The following ZFHX3 variants were observed in gnomAD, a reference collection of about 807,000 sequenced individuals.
The protein encoded by ZFHX3 is zinc finger homeobox protein 3.
Under a neutral mutation model 279.1 loss-of-function variants are expected in ZFHX3, and 42 were observed. That is an observed-to-expected ratio of 0.15 (90% CI 0.12 to 0.19). The LOEUF is 0.19. Ranked by LOEUF, ZFHX3 falls within the 10% of genes least tolerant of loss-of-function variation. The probability of loss-of-function intolerance (pLI) is 1.00; values close to 1 mark genes in which losing one functional copy is unlikely to be tolerated. For missense variants in ZFHX3, 4,981 were observed against 4,754.0 expected (o/e 1.05, Z -1.40); for synonymous variants, 2,293 against 1,957.8 (o/e 1.17, Z -4.52).
chr16:73,291,289 T>C (rs1446311549), intron 4 of ZFHX3, among the ~76,000 whole-genome samples: 1 of 152,052 alleles, frequency 6.6e-6, no homozygotes, highest in Non-Finnish European at 1.5e-5. Flanking sequence ...CTGCCTAGGG[T>C]ACAGCTGGGC....
At chr16:72,889,683 G>A (rs1331932421) in intron 4 of ZFHX3, 48 bp downstream of exon 4, 1 of 1,584,936 alleles carries the variant, frequency 6.3e-7, no homozygotes, top group African/African-American at 1.3e-5. Flanking sequence ...TCAAGGAGGT[G>A]AACACCCAGG....
At position 73,659,605 on chromosome 16, in the gene ZFHX3, C is replaced by A. The variant is rs543793582; in HGVS notation, c.-1547+20575G>T. Among the ~76,000 whole-genome samples, 21 of 152,088 alleles carry A rather than the reference C, an allele frequency of 1.4e-4. No individual in the cohort carries two copies. The South Asian group carries it at 4.4e-3, about 32-fold the overall frequency. On this transcript the variant is annotated intron_variant, in intron 2 of 17. Transcript: ENST00000641206. ...GCTGTATGGAGAGCTTTCAGGCTCC[C>A]CTGAAATAGAAATACAGTATTCTTA...
At chr16:73,023,839 G>A (rs574056093) in intron 1 of ZFHX3, among the ~76,000 whole-genome samples, 2 of 152,266 alleles carry the variant, frequency 1.3e-5, no homozygotes, top group South Asian at 2.1e-4. Flanking sequence ...CAAAGGCCAC[G>A]TGGCTCCATC....
chr16:73,303,169 C>T (rs2143138234), intron 4 of ZFHX3, among the ~76,000 whole-genome samples: 1 of 152,210 alleles, frequency 6.6e-6, no homozygotes, highest in Non-Finnish European at 1.5e-5. Flanking sequence ...GCTAGGACTA[C>T]AGGCACACAC....
intron 3 of ZFHX3, among the ~76,000 whole-genome samples, chr16:72,925,313 T>C (rs761952168): frequency 6.6e-6 from 1 of 152,194 alleles, no homozygotes; most frequent in Non-Finnish European, 1.5e-5. Flanking sequence ...CAACTGCGCT[T>C]TTACCCTGTC....
intron 3 of ZFHX3, among the ~76,000 whole-genome samples, chr16:73,403,185 C>T (rs1040309903): frequency 1.3e-5 from 2 of 152,124 alleles, no homozygotes; most frequent in African/African-American, 2.4e-5. Context: ...AAAGGGGGTC[C>T]AATTTATATC....
At chr16:73,798,701 G>C (rs951014248) in intron 1 of ZFHX3, among the ~76,000 whole-genome samples, 8 of 152,166 alleles carry the variant, frequency 5.3e-5, no homozygotes, top group African/African-American at 1.7e-4. Flanking sequence ...AGGACGTCAA[G>C]ACCATTTCCA....
intron 1 of ZFHX3, among the ~76,000 whole-genome samples, chr16:73,761,117 A>G (rs934867767): frequency 6.6e-6 from 1 of 152,230 alleles, no homozygotes; most frequent in African/African-American, 2.4e-5. Context: ...TCTTAAGCTG[A>G]TAAGCAACTT....
intron 1 of ZFHX3, among the ~76,000 whole-genome samples, chr16:73,740,280 T>C (rs1224049866): frequency 6.6e-6 from 1 of 152,148 alleles, no homozygotes; most frequent in Non-Finnish European, 1.5e-5. Flanking sequence ...TTGCTTTGTG[T>C]CATTAACTAC....
chr16:73,880,381 CT>C (rs1212411690), intron 1 of ZFHX3, among the ~76,000 whole-genome samples: 1 of 151,842 alleles, frequency 6.6e-6, no homozygotes, highest in Non-Finnish European at 1.5e-5. Context: ...AATGAGAACT[CT>C]TTTTTTCCCT....
At chr16:73,778,528 G>T (rs1170206823) in intron 1 of ZFHX3, among the ~76,000 whole-genome samples, 3 of 152,190 alleles carry the variant, frequency 2.0e-5, no homozygotes, top group Admixed American at 2.0e-4. Context: ...GTATTAAGCT[G>T]CTGTTTTAAG....
At chr16:73,158,488 T>A (rs1207613897) in intron 5 of ZFHX3, among the ~76,000 whole-genome samples, 3 of 152,094 alleles carry the variant, frequency 2.0e-5, no homozygotes, top group Non-Finnish European at 4.4e-5. Flanking sequence ...TTTAAAAACT[T>A]TTTTTTATCA....
chr16:72,829,531 C>T, intron 5 of ZFHX3: 1 of 474,304 alleles, frequency 2.1e-6, no homozygotes, highest in Admixed American at 3.3e-5. Flanking sequence ...AATAAGCAAG[C>T]TGGCTTTGGT....
chr16:72,979,895 G>A (rs1478959196), intron 1 of ZFHX3, among the ~76,000 whole-genome samples: 1 of 151,554 alleles, frequency 6.6e-6, no homozygotes, highest in Non-Finnish European at 1.5e-5. Context: ...TGCTAGGTAT[G>A]CTTTTAAAGG....
chr16:73,454,320 G>A (rs768085148), intron 3 of ZFHX3, among the ~76,000 whole-genome samples: 16 of 151,988 alleles, frequency 1.1e-4, no homozygotes, highest in African/African-American at 1.9e-4. Context: ...TGTTCCACCC[G>A]GATCTCTTTT....
chr16:73,223,752 A>AGAT (rs2144923151), intron 5 of ZFHX3, among the ~76,000 whole-genome samples: 1 of 152,342 alleles, frequency 6.6e-6, no homozygotes, highest in East Asian at 1.9e-4. Context: ...ACCTGCACAC[A>AGAT]GATGTTTATA....
At chr16:73,315,219 GAAA>G (rs67349927) in intron 4 of ZFHX3, among the ~76,000 whole-genome samples, 2 of 121,766 alleles carry the variant, frequency 1.6e-5, no homozygotes, top group Non-Finnish European at 1.8e-5. Flanking sequence ...ATCTCAAAAA[GAAA>G]AAAAAAAAAA....
intron 2 of ZFHX3, among the ~76,000 whole-genome samples, chr16:73,496,678 C>T (rs1004192416): frequency 7.9e-5 from 12 of 152,344 alleles, no homozygotes; most frequent in African/African-American, 2.2e-4. Flanking sequence ...CCTCCCTAGC[C>T]TTCTATTCTC....
chr16:73,558,962 G>A (rs568869285), intron 2 of ZFHX3, among the ~76,000 whole-genome samples: 14 of 151,754 alleles, frequency 9.2e-5, no homozygotes, highest in African/African-American at 3.1e-4. Flanking sequence ...TGATCTGCCC[G>A]CCTCAGCCTC....
Sources: gnomAD v4.1 joint callset for allele counts (sites outside exome capture counted in the v4.1 genomes callset) on GRCh38, gnomAD v4.1.1 for gene constraint, MANE v1.5 for transcripts, NCBI Gene and HGNC (gene_info 2026-07-23, HGNC 2026-07-21) for gene names.